ADCY3: variants seen among roughly 807,000 people sequenced by gnomAD.
ADCY3 encodes the protein adenylate cyclase type 3.
ADCY3 carries 70 observed loss-of-function variants against 119.4 expected under a neutral mutation model. That is an observed-to-expected ratio of 0.59 (90% CI 0.48 to 0.72). ADCY3 has a LOEUF of 0.72. Ranked by LOEUF, ADCY3 falls within the 30% of genes least tolerant of loss-of-function variation. ADCY3 has a pLI of 0.00. For synonymous variants in ADCY3, 672 were observed against 621.4 expected (o/e 1.08, Z -1.21); for missense variants, 1,238 against 1,541.6 (o/e 0.80, Z 3.30).
chr2:24,824,322 AAG>A (rs1183750698), intron 17 of ADCY3, 54 bp downstream of exon 17: 1 of 1,589,996 alleles, frequency 6.3e-7, no homozygotes. Context: ...GCCTGAAAGA[AAG>A]AACAGATGGA....
At chr2:24,881,460 G>A (rs1021872157) in intron 2 of ADCY3, among the ~76,000 whole-genome samples, 2 of 152,230 alleles carry the variant, frequency 1.3e-5, no homozygotes, top group African/African-American at 4.8e-5. Flanking sequence ...CCAGAAGGAT[G>A]GGCATTCTGG....
intron 3 of ADCY3, among the ~76,000 whole-genome samples, chr2:24,848,395 T>C (rs1671900673): frequency 6.6e-6 from 1 of 152,194 alleles, no homozygotes; most frequent in Admixed American, 6.5e-5. Context: ...ATAGAAACAA[T>C]GCTAATGACT....
chr2:24,861,008 TGG>T (rs1051697460), intron 3 of ADCY3, among the ~76,000 whole-genome samples: 3 of 152,274 alleles, frequency 2.0e-5, no homozygotes, highest in African/African-American at 7.2e-5. Flanking sequence ...CCCAGCACTT[TGG>T]GAGGCCAAGG....
chr2:24,844,922 G>A (rs1671490143), intron 3 of ADCY3, among the ~76,000 whole-genome samples: 1 of 152,164 alleles, frequency 6.6e-6, no homozygotes, highest in South Asian at 2.1e-4. Flanking sequence ...GAATCACAGT[G>A]GCCGGTCTTT....
At chr2:24,829,900 G>C (rs1418450783) in intron 13 of ADCY3, among the ~76,000 whole-genome samples, 1 of 151,396 alleles carries the variant, frequency 6.6e-6, no homozygotes. Flanking sequence ...AATAGATCTG[G>C]GCTCCCAACT....
intron 3 of ADCY3, among the ~76,000 whole-genome samples, chr2:24,854,880 T>C (rs896059881): frequency 6.6e-6 from 1 of 152,124 alleles, no homozygotes; most frequent in East Asian, 1.9e-4. Context: ...TGAAACCCCA[T>C]CCCTACTAAA....
chr2:24,832,043 A>T (rs1669641957), intron 11 of ADCY3: 1 of 70,706 alleles, frequency 1.4e-5, no homozygotes, highest in Non-Finnish European at 2.7e-5. Context: ...GGGCCAGCAG[A>T]CAAGGACCGG....
intron 2 of ADCY3, among the ~76,000 whole-genome samples, chr2:24,886,341 C>T (rs1250905743): frequency 6.6e-6 from 1 of 152,228 alleles, no homozygotes; most frequent in Non-Finnish European, 1.5e-5. Context: ...TAGAATGCCC[C>T]TCCCCACCTG....
intron 6 of ADCY3, chr2:24,840,383 G>A: frequency 4.9e-6 from 2 of 411,194 alleles, no homozygotes; most frequent in Non-Finnish European, 9.6e-6. Context: ...CAGACACAGA[G>A]GTGAAGAAAA....
intron 2 of ADCY3, among the ~76,000 whole-genome samples, chr2:24,888,019 A>G (rs1394455733): frequency 6.6e-6 from 1 of 152,134 alleles, no homozygotes; most frequent in Non-Finnish European, 1.5e-5. Flanking sequence ...TGGGAAGGCA[A>G]TGTGTGTCAA....
rs1050030109 is a variant in ADCY3, at chr2:24,919,984, G to A, written c.-499C>T. On this transcript the variant is annotated 5_prime_UTR_variant, in exon 1 of 22. Coordinates refer to ENST00000679454, the MANE Select transcript of ADCY3 (RefSeq NM_004036.5). This position sits in a 1 kb window ranked among gnomAD's most constrained non-coding sequence, Gnocchi z 5.5. ...GCCCTGGGGCTGAGGCTCAGGGGCA[G>A]GGGCCGTGCGGGGGCCGGCAGGCGC... is the stretch of plus-strand genomic sequence containing the variant. 10 of 149,140 alleles carry A rather than the reference G, an allele frequency of 6.7e-5. No individual in the cohort carries two copies. The highest frequency in any genetic ancestry group is 1.5e-4 in the Non-Finnish European group (10 of 66,870). 9.2% of individuals were successfully genotyped at this position (149,140 alleles called of 1,614,324 possible). A position where few individuals can be genotyped will look rare whatever the true frequency, so the allele number is the denominator to read the frequency against.
chr2:24,865,215 C>T (rs891623853), intron 3 of ADCY3, among the ~76,000 whole-genome samples: 2 of 151,944 alleles, frequency 1.3e-5, no homozygotes, highest in East Asian at 3.9e-4. Flanking sequence ...GAGGCCGAGG[C>T]GGGCAGATCA....
At chr2:24,912,855 C>A (rs1366104719) in intron 2 of ADCY3, among the ~76,000 whole-genome samples, 1 of 152,146 alleles carries the variant, frequency 6.6e-6, no homozygotes, top group Admixed American at 6.5e-5. Context: ...ATACACAGAT[C>A]GGGGTCAGAA....
chr2:24,842,410 G>C lies in ADCY3; in HGVS notation c.826-26C>G, dbSNP rs373512801. 1.2e-6 allele frequency: 2 copies of C among 1,613,886 alleles called. No individual in the cohort carries two copies. The highest frequency in any genetic ancestry group is 2.7e-5 in the African/African-American group (2 of 75,044). ...CTGTGAGGGGCAGGAGAGGGTCAGA[G>C]GCAAAGGTAGGCCCTGCTAGAGGCA... On this transcript the variant is annotated intron_variant, in intron 3 of 21. Transcript: ENST00000679454. This position sits in a 1 kb window ranked among gnomAD's most constrained non-coding sequence, Gnocchi z 4.9.
Position 24,835,004 on chromosome 2 carries a change from C to T in ADCY3, c.1663-68G>A. The T allele has an allele frequency of 6.4e-7, 1 of 1,559,986 alleles. No individual in the cohort carries two copies. Among genetic ancestry groups the T allele is most frequent in the Non-Finnish European group, 8.7e-7 (1 of 1,146,712 alleles). ...AGTGGTGGGGAAGAGCTGGGAAAGA[C>T]AGAGGTGGAGGAGGAAAGGAACAAA... On this transcript the variant is annotated intron_variant, in intron 9 of 21. Transcript: ENST00000679454.
At chr2:24,855,601 G>C (rs908750093) in intron 3 of ADCY3, among the ~76,000 whole-genome samples, 1 of 152,104 alleles carries the variant, frequency 6.6e-6, no homozygotes, top group Non-Finnish European at 1.5e-5. Flanking sequence ...AATACAGCAT[G>C]GTAATAAAAG....
intron 2 of ADCY3, among the ~76,000 whole-genome samples, chr2:24,890,205 A>G (rs949201516): frequency 2.6e-5 from 4 of 152,110 alleles, no homozygotes; most frequent in Non-Finnish European, 5.9e-5. Flanking sequence ...TTCTTTTTAT[A>G]TATTTCCAGG....
chr2:24,819,732 T>A lies in ADCY3; in HGVS notation c.*200A>T. 1 of 595,560 alleles carries A rather than the reference T, an allele frequency of 1.7e-6. No individual in the cohort carries two copies. Among genetic ancestry groups the A allele is most frequent in the South Asian group, 2.1e-5 (1 of 47,954 alleles). The allele number at this position is 595,560 out of a possible 1,614,324, so 36.9% of individuals were successfully genotyped here. A position where few individuals can be genotyped will look rare whatever the true frequency, so the allele number is the denominator to read the frequency against. On this transcript the variant is annotated 3_prime_UTR_variant, in exon 22 of 22. Coordinates refer to ENST00000679454, the MANE Select transcript of ADCY3 (RefSeq NM_004036.5). The stretch of plus-strand genomic sequence containing the variant: ...TTCAGCCCTATGCCTAAGACCCCTA[T>A]GCTGGGGACACTACAGGCACACACA...
chr2:24,864,682 T>A (rs2148755240), intron 3 of ADCY3, among the ~76,000 whole-genome samples: 1 of 152,306 alleles, frequency 6.6e-6, no homozygotes, highest in East Asian at 1.9e-4. Flanking sequence ...AGAGACACAG[T>A]AGAACAGTGG....
Sources: allele counts gnomAD v4.1 joint callset (sites outside exome capture counted in the v4.1 genomes callset), GRCh38; gene constraint gnomAD v4.1.1; non-coding constraint Gnocchi (gnomAD v3.1); transcripts MANE v1.5; gene names NCBI Gene and HGNC (gene_info 2026-07-23, HGNC 2026-07-21).